The following CAMK2D variants were observed in gnomAD, a reference collection of about 807,000 sequenced individuals.
The protein encoded by CAMK2D is calcium/calmodulin dependent protein kinase II delta.
CAMK2D carries 37 observed loss-of-function variants against 84.0 expected under a neutral mutation model. The observed-to-expected ratio is 0.44, with a 90% confidence interval of 0.34 to 0.58. The LOEUF is 0.58. CAMK2D is among the 20% of genes least tolerant of loss of function. The pLI is 0.02. For missense variants in CAMK2D, 448 were observed against 652.5 expected, an observed-to-expected ratio of 0.69 and a Z score of 3.41; for synonymous variants, 202 against 212.5, an observed-to-expected ratio of 0.95 and a Z score of 0.43.
chr4:113,583,354 C>T (rs2098819360), intron 4 of CAMK2D, among the ~76,000 whole-genome samples: 1 of 152,148 alleles, frequency 6.6e-6, no homozygotes, highest in South Asian at 2.1e-4. Context: ...TCTACTGATA[C>T]CGCTCTCTGC....
chr4:113,607,866 G>C (rs2098984708), intron 4 of CAMK2D, among the ~76,000 whole-genome samples: 2 of 152,270 alleles, frequency 1.3e-5, no homozygotes, highest in South Asian at 4.1e-4. Context: ...TCACAATTTA[G>C]TTCTGAACTG....
intron 2 of CAMK2D, among the ~76,000 whole-genome samples, chr4:113,739,210 G>A (rs976040425): frequency 3.3e-5 from 5 of 152,104 alleles, no homozygotes; most frequent in African/African-American, 1.2e-4. Flanking sequence ...AATCCTAAAT[G>A]TACTCTTCAA....
chr4:113,696,201 C>CAG (rs1200552128), intron 2 of CAMK2D, among the ~76,000 whole-genome samples: 2 of 110,272 alleles, frequency 1.8e-5, no homozygotes, highest in African/African-American at 5.4e-5. Context: ...CACAGACACA[C>CAG]ACACACACAC....
chr4:113,501,907 T>A (rs1425520218), intron 15 of CAMK2D, among the ~76,000 whole-genome samples: 2 of 152,154 alleles, frequency 1.3e-5, no homozygotes, highest in Non-Finnish European at 2.9e-5. Context: ...TGCAGTGTCA[T>A]GACTATAAAA....
intron 3 of CAMK2D, among the ~76,000 whole-genome samples, chr4:113,645,401 C>T (rs1561565287): frequency 6.6e-6 from 1 of 152,094 alleles, no homozygotes; most frequent in Non-Finnish European, 1.5e-5. Context: ...CATAGCCATA[C>T]CTATTCATTT....
chr4:113,569,836 A>G (rs1271047242), intron 4 of CAMK2D, among the ~76,000 whole-genome samples: 2 of 152,202 alleles, frequency 1.3e-5, no homozygotes, highest in African/African-American at 4.8e-5. Context: ...CCTTTAGATT[A>G]TAAGTATTTT....
intron 16 of CAMK2D, among the ~76,000 whole-genome samples, chr4:113,479,957 ATATTAT>A (rs906867833): frequency 2.0e-5 from 3 of 151,986 alleles, no homozygotes; most frequent in Admixed American, 1.3e-4. Flanking sequence ...AGGTATTGAC[ATATTAT>A]TATTATTTTT....
rs2097340751 is a variant in CAMK2D, at chr4:113,459,191, A to T, written c.1306+956T>A. ...AATATTTTGGCATGGTGTGGTTTTT[A>T]AAAATTTTTTCCTCCTATTTTTTCT... On this transcript the variant is annotated intron_variant, in intron 18 of 20. Transcript: ENST00000511664. 7.2e-5 allele frequency among the ~76,000 whole-genome samples: 11 copies of T among 152,212 alleles called. 1 individual carries two copies. In the South Asian group the frequency reaches 1.9e-3, roughly 26 times the overall value.
chr4:113,622,938 G>A (rs1056213643), intron 3 of CAMK2D, among the ~76,000 whole-genome samples: 1 of 152,104 alleles, frequency 6.6e-6, no homozygotes, highest in Non-Finnish European at 1.5e-5. Context: ...TTAATCAGGA[G>A]TCTGCAAACC....
At chr4:113,481,163 T>C (rs985608711) in intron 16 of CAMK2D, among the ~76,000 whole-genome samples, 4 of 152,158 alleles carry the variant, frequency 2.6e-5, no homozygotes, top group South Asian at 2.1e-4. Flanking sequence ...ACAGAAAAAG[T>C]TGTAAACTGA....
chr4:113,550,882 C>T (rs1413423120), intron 5 of CAMK2D, among the ~76,000 whole-genome samples: 1 of 152,152 alleles, frequency 6.6e-6, no homozygotes, highest in Non-Finnish European at 1.5e-5. Context: ...TAGTCATGTA[C>T]AGATAGATTC....
Position 113,681,505 on chromosome 4 carries a change from A to T in CAMK2D, c.161-19733T>A, listed in dbSNP as rs554047133. ...AACTGTGAGTCAATTAAACCTCTTT[A>T]TGAATTGCCCAGTCTTGGGCAGTTC... On this transcript the variant is annotated intron_variant, in intron 2 of 20. Transcript: ENST00000511664. Among the ~76,000 whole-genome samples, 4 of 152,322 alleles carry T rather than the reference A, an allele frequency of 2.6e-5. No individual in the cohort carries two copies. The South Asian group carries it at 8.3e-4, about 32-fold the overall frequency.
intron 8 of CAMK2D, among the ~76,000 whole-genome samples, chr4:113,518,396 C>A (rs2098313656): frequency 6.6e-6 from 1 of 152,118 alleles, no homozygotes; most frequent in African/African-American, 2.4e-5. Flanking sequence ...TAACCAAAAT[C>A]TAATTTCACT....
intron 3 of CAMK2D, among the ~76,000 whole-genome samples, chr4:113,636,533 A>G (rs1193454255): frequency 6.6e-6 from 1 of 152,210 alleles, no homozygotes; most frequent in Admixed American, 6.5e-5. Flanking sequence ...ACAAAACACC[A>G]TTAGACTGGT....
At chr4:113,668,499 T>C (rs2154321096) in intron 2 of CAMK2D, among the ~76,000 whole-genome samples, 1 of 152,364 alleles carries the variant, frequency 6.6e-6, no homozygotes, top group South Asian at 2.1e-4. Context: ...CTATTATCAT[T>C]ATTATTGCTA....
intron 4 of CAMK2D, among the ~76,000 whole-genome samples, chr4:113,569,616 A>G (rs867634504): frequency 2.6e-5 from 4 of 152,236 alleles, no homozygotes; most frequent in Admixed American, 1.3e-4. Context: ...TTTTTAAGTA[A>G]TTAACTTCTA....
intron 7 of CAMK2D, among the ~76,000 whole-genome samples, chr4:113,533,171 A>G (rs1338456685): frequency 6.6e-6 from 1 of 151,112 alleles, no homozygotes; most frequent in African/African-American, 2.4e-5. Flanking sequence ...ATTATTACAA[A>G]CCTCTTCTGG....
At chr4:113,475,500 C>T (rs1260378730) in intron 16 of CAMK2D, among the ~76,000 whole-genome samples, 2 of 152,100 alleles carry the variant, frequency 1.3e-5, no homozygotes, top group Non-Finnish European at 2.9e-5. Flanking sequence ...AGGTATCTTC[C>T]CCCCATCTTC....
At chr4:113,704,325 TTTGA>T (rs2099433619) in intron 2 of CAMK2D, among the ~76,000 whole-genome samples, 1 of 152,152 alleles carries the variant, frequency 6.6e-6, no homozygotes, top group Non-Finnish European at 1.5e-5. Flanking sequence ...TTATAAGCTA[TTTGA>T]TTGTACTGGG....
Sources: allele counts gnomAD v4.1 joint callset (sites outside exome capture counted in the v4.1 genomes callset), GRCh38; gene constraint gnomAD v4.1.1; transcripts MANE v1.5; gene names NCBI Gene and HGNC (gene_info 2026-07-23, HGNC 2026-07-21).